Variants in GALC observed in about 807,000 individuals in gnomAD.
GALC encodes galactosylceramidase.
GALC carries 77 observed loss-of-function variants against 91.8 expected under a neutral mutation model. The ratio of observed to expected loss-of-function variants is 0.84; its 90% CI spans 0.70 to 1.01. GALC has a LOEUF of 1.01. Ranked by LOEUF, GALC falls within the 50% of genes least tolerant of loss-of-function variation. GALC has a pLI of 0.00. For synonymous variants in GALC, 357 were observed against 306.7 expected, an observed-to-expected ratio of 1.16 and a Z score of -1.71; for missense variants, 882 against 855.9, an observed-to-expected ratio of 1.03 and a Z score of -0.38.
At chr14:87,992,481 C>G in intron 1 of GALC, 6 of 1,519,918 alleles carry the variant, frequency 3.9e-6, no homozygotes, top group East Asian at 2.5e-5. Context: ...AACAACTGCA[C>G]GGGACTTAAC....
intron 16 of GALC, 122 bp from the exon 17 acceptor site, chr14:87,935,000 C>A: frequency 1.4e-6 from 1 of 695,260 alleles, no homozygotes. Flanking sequence ...AAGACTTAAC[C>A]ACAGCAAAAC....
intron 10 of GALC, among the ~76,000 whole-genome samples, chr14:87,956,551 T>C (rs1885555489): frequency 6.7e-6 from 1 of 149,758 alleles, no homozygotes; most frequent in South Asian, 2.1e-4. Context: ...CATATATATA[T>C]ACACGCACCA....
chr14:87,934,823 A>G lies in GALC; in HGVS notation c.1967T>C (p.Val656Ala), dbSNP rs750822991. The part of the protein sequence containing the change: ...NDKSLWTDIP[V>A]NFPKNGWAAI... Reference sequence around the variant, plus strand: ...AGCCCAGCCATTCTTTGGAAAATTCACAGGGATGTCTGTCCACAGAGACTT... The same window carrying G: ...AGCCCAGCCATTCTTTGGAAAATTCGCAGGGATGTCTGTCCACAGAGACTT... Residue 656 changes from valine to alanine, a missense_variant, in exon 17 of 17, where the codon GTG becomes GCG. Coordinates refer to ENST00000261304, the MANE Select transcript of GALC (RefSeq NM_000153.4). 1 of 1,613,006 alleles carries G rather than the reference A, an allele frequency of 6.2e-7. No individual in the cohort carries two copies. The highest frequency in any genetic ancestry group is 1.1e-5 in the South Asian group (1 of 91,082).
intron 10 of GALC, chr14:87,954,633 C>A: frequency 6.3e-7 from 1 of 1,582,774 alleles, no homozygotes; most frequent in Middle Eastern, 1.7e-4. Context: ...GACTTAGCAA[C>A]CCACCTAGAG....
rs961347487 is a variant in GALC, at chr14:87,940,054, G to C, written c.1835-73C>G. The C allele has an allele frequency of 9.2e-6, 11 of 1,189,902 alleles. No individual in the cohort carries two copies. The East Asian group carries it at 1.9e-4, about 20-fold the overall frequency. The allele number at this position is 1,189,902 out of a possible 1,614,324, so 73.7% of individuals were successfully genotyped here. A position where few individuals can be genotyped will look rare whatever the true frequency, so the allele number is the denominator to read the frequency against. On this transcript the variant is annotated intron_variant, in intron 15 of 16. Transcript: ENST00000261304. ...ATCACAGAATCATATAATTCAGTGG[G>C]GTTCTTGAGTGGCATCTGTATGTAG...
Position 87,962,165 on chromosome 14 carries a change from C to T in GALC, c.1161+1219G>A, listed in dbSNP as rs192455346. Reference sequence around the variant, plus strand: ...AATATAACCAGACAAAAATGTGATTCGCACCCTATTTGCAGCCAGTTTACC... The same window carrying T: ...AATATAACCAGACAAAAATGTGATTTGCACCCTATTTGCAGCCAGTTTACC... On this transcript the variant is annotated intron_variant, in intron 10 of 16. Coordinates refer to ENST00000261304, the MANE Select transcript of GALC (RefSeq NM_000153.4). Among the ~76,000 whole-genome samples the T allele has an allele frequency of 4.7e-4, 71 of 152,186 alleles. 1 individual carries two copies. The highest frequency in any genetic ancestry group is 6.8e-3 in the Middle Eastern group (2 of 294).
At position 87,934,677 on chromosome 14, in the gene GALC, A is replaced by C; in HGVS notation, c.*55T>G. On this transcript the variant is annotated 3_prime_UTR_variant, in exon 17 of 17. Transcript: ENST00000261304. ...ATGAAACAAGAATTGGCTCTGAACC[A>C]AAACCAAAAAGAAGGGAAGAAAATC... The C allele has an allele frequency of 6.2e-7, 1 of 1,611,414 alleles. No homozygotes were observed. Among genetic ancestry groups the C allele is most frequent in the South Asian group, 1.1e-5 (1 of 91,016 alleles).
At chr14:87,976,630 T>C in intron 6 of GALC, 142 bp from the exon 7 acceptor site, 1 of 756,532 alleles carries the variant, frequency 1.3e-6, no homozygotes, top group South Asian at 1.6e-5. Flanking sequence ...TGTTTGTTTT[T>C]CTCAGACAGA....
chr14:87,993,217 C>G (rs1475962772), upstream of GALC: 4 of 1,549,540 alleles, frequency 2.6e-6, no homozygotes, highest in South Asian at 3.6e-5. Context: ...GTCGCCGCCA[C>G]GATAGATACG....
intron 4 of GALC, 38 bp downstream of exon 4, chr14:87,986,451 A>G: frequency 1.6e-6 from 2 of 1,267,624 alleles, no homozygotes; most frequent in Non-Finnish European, 2.3e-6. Flanking sequence ...AGTTAAAGGA[A>G]AAGAGACTGA....
At chr14:87,975,063 G>A (rs1886439455) in intron 7 of GALC, among the ~76,000 whole-genome samples, 1 of 151,852 alleles carries the variant, frequency 6.6e-6, no homozygotes, top group Middle Eastern at 3.4e-3. Context: ...TAATTTCAAT[G>A]TATAAAATGT....
At chr14:87,981,605 A>AT (rs960637469) in intron 6 of GALC, among the ~76,000 whole-genome samples, 11 of 152,036 alleles carry the variant, frequency 7.2e-5, no homozygotes, top group Admixed American at 1.3e-4. Flanking sequence ...TGAAACTGCC[A>AT]TTTTTTTTCC....
intron 10 of GALC, among the ~76,000 whole-genome samples, chr14:87,962,273 G>T (rs1000809391): frequency 1.3e-5 from 2 of 152,170 alleles, no homozygotes; most frequent in South Asian, 4.1e-4. Flanking sequence ...AGTGGTTCTA[G>T]GTCTTTGGAG....
At chr14:87,993,577 C>G, upstream of GALC, 1 of 1,136,388 alleles carries the variant, frequency 8.8e-7, no homozygotes, top group Middle Eastern at 2.3e-4. Context: ...GGTGGAATCA[C>G]TTTGCTTTTG....
chr14:87,966,817 T>C (rs1886074952), intron 8 of GALC, among the ~76,000 whole-genome samples: 2 of 152,350 alleles, frequency 1.3e-5, no homozygotes, highest in Admixed American at 1.3e-4. Context: ...GATATTTGTA[T>C]ACAATTGAAC....
intron 3 of GALC, 150 bp from the exon 4 acceptor site, chr14:87,986,752 A>G: frequency 1.5e-6 from 1 of 686,688 alleles, no homozygotes; most frequent in Non-Finnish European, 2.7e-6. Flanking sequence ...AATCTTACAC[A>G]ACTAAAGGAT....
At chr14:87,948,904 G>T (rs1885190531) in intron 12 of GALC, among the ~76,000 whole-genome samples, 1 of 152,022 alleles carries the variant, frequency 6.6e-6, no homozygotes, top group Non-Finnish European at 1.5e-5. Flanking sequence ...TGTCAATTAA[G>T]TGAAATAATG....
chr14:87,977,033 G>GA (rs1030646890), intron 6 of GALC, among the ~76,000 whole-genome samples: 2 of 44,544 alleles, frequency 4.5e-5, no homozygotes, highest in Admixed American at 1.9e-4. Context: ...ATAGAAATAT[G>GA]GGGGGGGGGG....
chr14:87,942,021 C>T (rs1387305500), intron 14 of GALC, among the ~76,000 whole-genome samples: 2 of 152,022 alleles, frequency 1.3e-5, no homozygotes. Flanking sequence ...CCGGGGCCAA[C>T]TTTTACATTT....
Sources: allele counts gnomAD v4.1 joint callset (sites outside exome capture counted in the v4.1 genomes callset), GRCh38; gene constraint gnomAD v4.1.1; transcripts MANE v1.5; gene names NCBI Gene and HGNC (gene_info 2026-07-23, HGNC 2026-07-21).